Variants in HIRA observed in about 807,000 individuals in gnomAD.
The protein encoded by HIRA is histone cell cycle regulator, also known as protein HIRA.
In HIRA, 13 loss-of-function variants were observed where a neutral mutation model predicts 126.6. The observed-to-expected ratio is 0.10, with a 90% CI of 0.07 to 0.16. HIRA has a LOEUF of 0.16. HIRA is among the 10% of genes least tolerant of loss of function. The pLI is 1.00. For synonymous variants in HIRA, 511 were observed against 520.0 expected, an observed-to-expected ratio of 0.98 and a Z score of 0.24; for missense variants, 834 against 1,314.4, an observed-to-expected ratio of 0.63 and a Z score of 5.65.
At chr22:19,335,024 G>A (rs2088548681) in intron 24 of HIRA, among the ~76,000 whole-genome samples, 1 of 151,878 alleles carries the variant, frequency 6.6e-6, no homozygotes, top group Admixed American at 6.6e-5. Flanking sequence ...GGTTTTGGTG[G>A]TTGCTCTAGG....
chr22:19,334,087 G>A (rs531845870), intron 24 of HIRA, among the ~76,000 whole-genome samples: 4 of 151,526 alleles, frequency 2.6e-5, no homozygotes, highest in African/African-American at 9.7e-5. Context: ...CCATTCTCCT[G>A]CCTCAGCCTC....
intron 24 of HIRA, among the ~76,000 whole-genome samples, chr22:19,339,102 C>A (rs1301636251): frequency 6.6e-6 from 1 of 152,100 alleles, no homozygotes; most frequent in African/African-American, 2.4e-5. Flanking sequence ...ATATCAAGTA[C>A]CCTCTTAGAC....
intron 15 of HIRA, among the ~76,000 whole-genome samples, chr22:19,372,281 C>T (rs2088973576): frequency 6.6e-6 from 1 of 152,190 alleles, no homozygotes; most frequent in Non-Finnish European, 1.5e-5. Context: ...TACAGACCTC[C>T]AAATGGGTAT....
At chr22:19,383,227 TG>T (rs2089092992) in intron 13 of HIRA, among the ~76,000 whole-genome samples, 1 of 152,294 alleles carries the variant, frequency 6.6e-6, no homozygotes, top group South Asian at 2.1e-4. Context: ...TTTTCTTCTT[TG>T]GGCTTTTACT....
chr22:19,405,450 A>C, intron 5 of HIRA: 1 of 982,732 alleles, frequency 1.0e-6, no homozygotes, highest in Non-Finnish European at 1.2e-6. Context: ...GGGAATAAAC[A>C]AAGTGTGCTT....
intron 1 of HIRA, among the ~76,000 whole-genome samples, chr22:19,421,809 C>G (rs772242991): frequency 9.9e-5 from 15 of 152,100 alleles, no homozygotes; most frequent in Non-Finnish European, 2.2e-4. Context: ...GTTGCTGGGA[C>G]TACAGGTACA....
At chr22:19,388,455 C>A (rs188937152) in intron 10 of HIRA, 29 bp downstream of exon 10, 1 of 1,554,676 alleles carries the variant, frequency 6.4e-7, no homozygotes, top group East Asian at 2.2e-5. Flanking sequence ...CCTTTCTTAA[C>A]CTATTCCTGT....
chr22:19,392,562 T>C (rs1601840767), intron 8 of HIRA, among the ~76,000 whole-genome samples: 1 of 152,316 alleles, frequency 6.6e-6, no homozygotes. Flanking sequence ...GGGCCAGCCC[T>C]AGGACCTGCA....
At chr22:19,358,488 G>T (rs1419450945) in intron 18 of HIRA, among the ~76,000 whole-genome samples, 1 of 152,170 alleles carries the variant, frequency 6.6e-6, no homozygotes, top group South Asian at 2.1e-4. Context: ...GACAGAGAGT[G>T]GGAGCCTGTG....
At chr22:19,422,213 C>T (rs925105386) in intron 1 of HIRA, among the ~76,000 whole-genome samples, 5 of 141,464 alleles carry the variant, frequency 3.5e-5, no homozygotes, top group Non-Finnish European at 6.2e-5. Context: ...TATATATATA[C>T]ATATATATAT....
intron 1 of HIRA, among the ~76,000 whole-genome samples, chr22:19,415,541 C>A (rs2089389047): frequency 6.6e-6 from 1 of 152,168 alleles, no homozygotes; most frequent in Non-Finnish European, 1.5e-5. Context: ...GTAATCCCAG[C>A]ACTTTGGGAG....
chr22:19,377,938 G>A lies in HIRA; in HGVS notation c.1544C>T (p.Ser515Leu), dbSNP rs1264582798. 5 of 1,613,818 alleles carry A rather than the reference G, an allele frequency of 3.1e-6. No homozygotes were observed. The highest frequency in any genetic ancestry group is 2.7e-5 in the African/African-American group (2 of 74,908). The change falls in exon 14 of 25, where the codon TCG (serine) becomes TTG (leucine). Residue 515 changes from serine (S) to leucine (L), a missense_variant. Physicochemically the swap from Ser to Leu is moderately radical, Grantham distance 145. Around this residue, in one of 5 missense-constraint regions of HIRA, gnomAD observed 468 missense variants for 574.2 expected, o/e 0.82. Coordinates refer to ENST00000263208, the MANE Select transcript of HIRA (RefSeq NM_003325.4). ...CACCACAGGCTCTGTGCAAGGCTTC[G>A]AGGCGCCGAAGGAGTTAGGGGTACT... ...DSSTPNSFGA[S>L]KPCTEPVVAA...
intron 24 of HIRA, among the ~76,000 whole-genome samples, chr22:19,343,964 A>G (rs2088660435): frequency 6.7e-6 from 1 of 149,572 alleles, no homozygotes; most frequent in South Asian, 2.3e-4. Context: ...TTCCCACCTC[A>G]GCTTCCCAAA....
chr22:19,353,551 G>A, intron 22 of HIRA, 32 bp from the exon 23 acceptor site: 1 of 1,565,926 alleles, frequency 6.4e-7, no homozygotes, highest in African/African-American at 1.3e-5. Context: ...CCATGATGGG[G>A]CAGCAGGCAC....
chr22:19,392,787 A>C (rs1256206096), intron 8 of HIRA, among the ~76,000 whole-genome samples: 1 of 152,160 alleles, frequency 6.6e-6, no homozygotes, highest in Non-Finnish European at 1.5e-5. Context: ...GCAATATCAC[A>C]CAAAGGTGCT....
At chr22:19,396,739 G>A in intron 7 of HIRA, 48 bp downstream of exon 7, 1 of 1,597,672 alleles carries the variant, frequency 6.3e-7, no homozygotes, top group Non-Finnish European at 8.6e-7. Flanking sequence ...GTCAGGAAGA[G>A]GCTGGGGCAG....
chr22:19,425,804 C>A lies in HIRA; in HGVS notation c.37+5636G>T, dbSNP rs572840024. On this transcript the variant is annotated intron_variant, in intron 1 of 24. Coordinates refer to ENST00000263208, the MANE Select transcript of HIRA (RefSeq NM_003325.4). Reference sequence around the variant, plus strand: ...TTCGAGAGCAGCCAGGCCAACGTGGCGAAAATGTGTATTAAAAATACAAAA... The same window carrying A: ...TTCGAGAGCAGCCAGGCCAACGTGGAGAAAATGTGTATTAAAAATACAAAA... Among the ~76,000 whole-genome samples the A allele has an allele frequency of 1.4e-3, 215 of 151,982 alleles. 1 individual carries two copies. Among genetic ancestry groups the A allele is most frequent in the African/African-American group, 5.1e-3 (210 of 41,422 alleles).
At chr22:19,425,030 C>T (rs569238492) in intron 1 of HIRA, among the ~76,000 whole-genome samples, 4 of 152,130 alleles carry the variant, frequency 2.6e-5, no homozygotes, top group Admixed American at 6.5e-5. Context: ...GAGGTCCCAG[C>T]AGACGTCCCC....
At chr22:19,402,454 T>G (rs949232136) in intron 5 of HIRA, among the ~76,000 whole-genome samples, 51 of 152,232 alleles carry the variant, frequency 3.4e-4, no homozygotes, top group African/African-American at 1.1e-3. Context: ...AATTCTCTTT[T>G]TATCATTAGA....
Sources: allele counts gnomAD v4.1 joint callset (sites outside exome capture counted in the v4.1 genomes callset), GRCh38; gene constraint gnomAD v4.1.1; regional missense constraint gnomAD v4.1.1; transcripts MANE v1.5; gene names NCBI Gene and HGNC (gene_info 2026-07-23, HGNC 2026-07-21).